The following NRP2 variants were observed in gnomAD, a reference collection of about 807,000 sequenced individuals.
The protein encoded by NRP2 is neuropilin-2.
A neutral mutation model predicts 110.4 loss-of-function variants in NRP2; 52 were observed. That is an observed-to-expected ratio of 0.47 (90% CI 0.38 to 0.59). The LOEUF (loss-of-function observed/expected upper bound fraction) is 0.59, where lower values mean the gene tolerates loss of function less well. NRP2 is among the 20% of genes least tolerant of loss of function. The pLI is 0.00. For missense variants in NRP2, 1,049 were observed against 1,203.0 expected (o/e 0.87, Z 1.89); for synonymous variants, 508 against 468.9 (o/e 1.08, Z -1.08).
At chr2:205,747,353 A>G (rs2057556694) in intron 10 of NRP2, among the ~76,000 whole-genome samples, 1 of 152,180 alleles carries the variant, frequency 6.6e-6, no homozygotes, top group African/African-American at 2.4e-5. Context: ...CGCCTTGGTT[A>G]TCTTAGCTGA....
In NRP2 at chr2:205,788,358, T is replaced by A. The variant is rs543863460; in HGVS notation, c.2426-3877T>A. 2.6e-5 allele frequency among the ~76,000 whole-genome samples: 4 copies of A among 152,326 alleles called. No homozygotes were observed. In the East Asian group the frequency reaches 7.7e-4, roughly 29 times the overall value. On this transcript the variant is annotated intron_variant, in intron 15 of 16. Transcript: ENST00000357785. ...CCCCTTCCCATCATTCATTCAGAGCTGACCTCTTTCTCTCACTGTGCTGAT... is the reference window on the plus strand; with the variant it reads ...CCCCTTCCCATCATTCATTCAGAGCAGACCTCTTTCTCTCACTGTGCTGAT...
rs574150101 is a variant in NRP2, at chr2:205,717,404, T to C, written c.433+1030T>C. ...GTTGAGTTCAGTGTGAGGGGAACTA[T>C]TCATATATATTTTCTTTTTCACTAA... is the stretch of plus-strand genomic sequence containing the variant. On this transcript the variant is annotated intron_variant, in intron 3 of 16. Coordinates refer to ENST00000357785, the MANE Select transcript of NRP2 (RefSeq NM_003872.3). 5.4e-4 allele frequency among the ~76,000 whole-genome samples: 82 copies of C among 152,192 alleles called. 1 individual carries two copies. Among genetic ancestry groups the C allele is most frequent in the Non-Finnish European group, 1.1e-3 (73 of 68,032 alleles).
At chr2:205,740,329 G>A (rs1044432335) in intron 7 of NRP2, among the ~76,000 whole-genome samples, 190 bp from the exon 8 acceptor site, 2 of 152,066 alleles carry the variant, frequency 1.3e-5, no homozygotes, top group East Asian at 3.9e-4. Context: ...TTTTCAAGTA[G>A]AACAGTGTGA....
intron 14 of NRP2, 87 bp from the exon 15 acceptor site, chr2:205,766,696 C>A: frequency 8.2e-7 from 1 of 1,219,922 alleles, no homozygotes; most frequent in Non-Finnish European, 1.2e-6. Flanking sequence ...TCATGTTTAT[C>A]ATCATATTCA....
chr2:205,760,588 A>G (rs1490006380), intron 12 of NRP2, among the ~76,000 whole-genome samples: 1 of 151,838 alleles, frequency 6.6e-6, no homozygotes, highest in East Asian at 1.9e-4. Flanking sequence ...AGAGATTGTC[A>G]TTTTATCGTG....
chr2:205,723,932 C>T lies in NRP2; in HGVS notation c.812C>T (p.Pro271Leu). The change falls in exon 5 of 17, where the codon CCA (proline) becomes CTA (leucine). Residue 271 changes from proline to leucine, a missense_variant. By Grantham distance (98) the Pro-to-Leu change is moderately conservative (BLOSUM62 -3). Coordinates refer to ENST00000357785, the MANE Select transcript of NRP2 (RefSeq NM_003872.3). ...CGTTACTACCTGGTCCACCAAGAGC[C>T]ACTAGAGAGTGAGTTGGCCGATTGG... The part of the protein sequence containing the change: ...SARYYLVHQE[P>L]LENFQCNVPL... 3.7e-6 allele frequency: 6 copies of T among 1,614,108 alleles called. No homozygotes were observed. Among genetic ancestry groups the T allele is most frequent in the Non-Finnish European group, 5.1e-6 (6 of 1,180,004 alleles).
chr2:205,682,969 C>T lies in NRP2; in HGVS notation c.-322C>T. ...TTACGCTTGGCTTTCGGGAAATACTCGTGATATTTGTAGGATAAAGGAAAT... is the reference window on the plus strand; with the variant it reads ...TTACGCTTGGCTTTCGGGAAATACTTGTGATATTTGTAGGATAAAGGAAAT... On this transcript the variant is annotated 5_prime_UTR_variant, in exon 1 of 17. Coordinates refer to ENST00000357785, the MANE Select transcript of NRP2 (RefSeq NM_003872.3). The surrounding 1 kb of genome is among the most constrained non-coding windows in gnomAD (Gnocchi z 4.3). The T allele has an allele frequency of 3.3e-6, 1 of 301,792 alleles. No individual in the cohort carries two copies. The highest frequency in any genetic ancestry group is 6.2e-6 in the Non-Finnish European group (1 of 160,188). The allele number at this position is 301,792 out of a possible 1,614,324, so 18.7% of individuals were successfully genotyped here.
chr2:205,790,646 A>G (rs1350077290), intron 15 of NRP2, among the ~76,000 whole-genome samples: 2 of 106,526 alleles, frequency 1.9e-5, no homozygotes, highest in Non-Finnish European at 4.2e-5. Context: ...GTTTTCTTCC[A>G]TGTTTTTTTT....
Position 205,795,103 on chromosome 2 carries a change from G to T in NRP2, c.*45G>T. 1 of 1,560,116 alleles carries T rather than the reference G, an allele frequency of 6.4e-7. No individual in the cohort carries two copies. On this transcript the variant is annotated 3_prime_UTR_variant, in exon 17 of 17. Coordinates refer to ENST00000357785, the MANE Select transcript of NRP2 (RefSeq NM_003872.3). ...ATCTGACGTTTCATTCCAGCAAGAG[G>T]GGCTGGGGAAGATTACATTTTTTTT...
At chr2:205,699,199 G>C (rs1209635570) in intron 2 of NRP2, among the ~76,000 whole-genome samples, 1 of 152,218 alleles carries the variant, frequency 6.6e-6, no homozygotes, top group Non-Finnish European at 1.5e-5. Flanking sequence ...AGTTACATGA[G>C]TACCCTGGAT....
At chr2:205,740,746 C>T in intron 8 of NRP2, 83 bp downstream of exon 8, 1 of 1,508,490 alleles carries the variant, frequency 6.6e-7, no homozygotes, top group Non-Finnish European at 9.1e-7. Flanking sequence ...AACAGCATGA[C>T]TGCACCACAT....
intron 2 of NRP2, among the ~76,000 whole-genome samples, chr2:205,698,864 G>A (rs1054793803): frequency 6.6e-6 from 1 of 152,244 alleles, no homozygotes; most frequent in Non-Finnish European, 1.5e-5. Flanking sequence ...AAGGGGGCCA[G>A]CTGGCAGGAC....
At chr2:205,689,485 G>A (rs982036891) in intron 1 of NRP2, among the ~76,000 whole-genome samples, 8 of 152,294 alleles carry the variant, frequency 5.3e-5, no homozygotes, top group Non-Finnish European at 8.8e-5. Flanking sequence ...TCTCGTGATC[G>A]TAGAAAGCAC....
intron 2 of NRP2, among the ~76,000 whole-genome samples, chr2:205,706,330 G>A (rs1336991716): frequency 6.6e-6 from 1 of 152,144 alleles, no homozygotes; most frequent in Non-Finnish European, 1.5e-5. Flanking sequence ...AACGAGGGGG[G>A]AAATGGTGGA....
At chr2:205,715,953 G>A (rs182890328) in intron 2 of NRP2, among the ~76,000 whole-genome samples, 15 of 152,336 alleles carry the variant, frequency 9.8e-5, no homozygotes, top group African/African-American at 3.4e-4. Flanking sequence ...CTGCTCTTAC[G>A]TGGGCAAGAG....
intron 2 of NRP2, among the ~76,000 whole-genome samples, chr2:205,702,127 C>T (rs2056572514): frequency 6.6e-6 from 1 of 152,094 alleles, no homozygotes. Context: ...GTGTTAGCAT[C>T]ATTGGACTTT....
chr2:205,711,541 G>A (rs137965210), intron 2 of NRP2, among the ~76,000 whole-genome samples: 286 of 152,202 alleles, frequency 1.9e-3, no homozygotes, highest in Admixed American at 3.1e-3. Context: ...AGGAAAGAGC[G>A]CTTGCAAAGG....
At position 205,683,533 on chromosome 2, in the gene NRP2, C is replaced by G. The variant is rs139857640; in HGVS notation, c.73+170C>G. ...CCTACACCACCACGGCTGCTAAAAC[C>G]CAACTTTCCTCTCCTGCTAGGAGTG... On this transcript the variant is annotated intron_variant, in intron 1 of 16. Coordinates refer to ENST00000357785, the MANE Select transcript of NRP2 (RefSeq NM_003872.3). Among the ~76,000 whole-genome samples the G allele has an allele frequency of 2.9e-3, 438 of 148,774 alleles. 2 individuals are homozygous for G. The highest frequency in any genetic ancestry group is 0.01 in the African/African-American group (417 of 40,186).
Position 205,716,342 on chromosome 2 carries a change from G to A in NRP2, c.401G>A (p.Gly134Asp). ...TCCGACTACGCCCGGCAGGGGGCAG[G>A]CTTCTCTCTGCGCTACGAGATCTTC... is the stretch of plus-strand genomic sequence containing the variant. ...FTSDYARQGA[G>D]FSLRYEIFKT... The change falls in exon 3 of 17, where the codon GGC becomes GAC. Residue 134 changes from glycine (G) to aspartate (D), a missense_variant. Gly to Asp is a moderately conservative substitution (Grantham distance 94). Transcript: ENST00000357785. 6.2e-7 allele frequency: 1 copy of A among 1,614,112 alleles called. No individual in the cohort carries two copies. The highest frequency in any genetic ancestry group is 8.5e-7 in the Non-Finnish European group (1 of 1,180,022).
Sources: allele counts gnomAD v4.1 joint callset (sites outside exome capture counted in the v4.1 genomes callset), GRCh38; gene constraint gnomAD v4.1.1; non-coding constraint Gnocchi (gnomAD v3.1); transcripts MANE v1.5; gene names NCBI Gene and HGNC (gene_info 2026-07-23, HGNC 2026-07-21).